Variants in USP7 observed in about 807,000 individuals in gnomAD.
The protein encoded by USP7 is ubiquitin C-terminal hydrolase 7.
Under a neutral mutation model 162.9 loss-of-function variants are expected in USP7, and 9 were observed. The observed-to-expected ratio is 0.06, with a 90% CI of 0.03 to 0.10. The LOEUF is 0.10. USP7 is among the 10% of genes least tolerant of loss of function. The pLI is 1.00. For missense variants in USP7, 715 were observed against 1,373.7 expected (o/e 0.52, Z 7.58); for synonymous variants, 562 against 475.9 (o/e 1.18, Z -2.35).
At chr16:8,962,271 A>C (rs1481245346) in intron 1 of USP7, among the ~76,000 whole-genome samples, 1 of 152,214 alleles carries the variant, frequency 6.6e-6, no homozygotes, top group Admixed American at 6.5e-5. Context: ...CACGTAGGTA[A>C]GAAAACTTTT....
chr16:8,921,535 G>T (rs970714732), intron 3 of USP7, among the ~76,000 whole-genome samples: 1 of 152,182 alleles, frequency 6.6e-6, no homozygotes, highest in African/African-American at 2.4e-5. Context: ...TAATTCCTTA[G>T]AAGTTGAAAC....
chr16:8,916,675 C>T (rs1897386906), intron 7 of USP7, 119 bp from the exon 8 acceptor site: 1 of 1,042,928 alleles, frequency 9.6e-7, no homozygotes, highest in Non-Finnish European at 1.4e-6. Flanking sequence ...AATTCCTTTT[C>T]TGTGAAGATT....
intron 1 of USP7, among the ~76,000 whole-genome samples, chr16:8,945,130 C>A (rs1401957363): frequency 6.6e-6 from 1 of 152,128 alleles, no homozygotes; most frequent in Non-Finnish European, 1.5e-5. Context: ...GTGGCGGGCG[C>A]CTGTAATCTC....
intron 1 of USP7, among the ~76,000 whole-genome samples, chr16:8,950,827 G>T (rs1899513634): frequency 6.6e-6 from 1 of 152,190 alleles, no homozygotes; most frequent in African/African-American, 2.4e-5. Flanking sequence ...GATCTGAGCG[G>T]GCACTATTTG....
At chr16:8,911,824 C>T (rs1297277218) in intron 10 of USP7, among the ~76,000 whole-genome samples, 1 of 152,170 alleles carries the variant, frequency 6.6e-6, no homozygotes, top group African/African-American at 2.4e-5. Context: ...GAGGAAATTA[C>T]CTGGGGCAAG....
chr16:8,906,228 A>C (rs1657066), intron 13 of USP7, among the ~76,000 whole-genome samples, 198 bp downstream of exon 13: 39,872 of 152,276 alleles, frequency 0.26, 5,703 homozygotes, highest in South Asian at 0.34. Flanking sequence ...CACAAAGAGA[A>C]GCACAAATGC....
chr16:8,916,083 A>G lies in USP7; in HGVS notation c.906+419T>C, dbSNP rs1039100737. On this transcript the variant is annotated intron_variant, in intron 8 of 30. Coordinates refer to ENST00000344836, the MANE Select transcript of USP7 (RefSeq NM_003470.3). The stretch of plus-strand genomic sequence containing the variant: ...GATTAGTGATGGCGCGGGGAGAGTA[A>G]TCACCGCATGCTGAGGTCTGCTCAA... Among the ~76,000 whole-genome samples the G allele has an allele frequency of 5.9e-5, 9 of 152,322 alleles. No homozygotes were observed. The South Asian group carries it at 1.9e-3, about 32-fold the overall frequency.
intron 1 of USP7, among the ~76,000 whole-genome samples, chr16:8,936,233 T>A (rs1032456961): frequency 6.6e-6 from 1 of 152,080 alleles, no homozygotes; most frequent in Non-Finnish European, 1.5e-5. Context: ...ACAGCTGTTA[T>A]TACGGCAGAT....
intron 11 of USP7, among the ~76,000 whole-genome samples, chr16:8,908,785 T>C (rs1157467935): frequency 6.6e-6 from 1 of 152,224 alleles, no homozygotes; most frequent in Non-Finnish European, 1.5e-5. Flanking sequence ...CATTAAACAC[T>C]GTGCAAATTA....
chr16:8,931,548 G>C (rs181087280), intron 1 of USP7, among the ~76,000 whole-genome samples: 1 of 152,300 alleles, frequency 6.6e-6, no homozygotes, highest in African/African-American at 2.4e-5. Context: ...AAAGATCCGG[G>C]AAAGTGTTTA....
intron 26 of USP7, 46 bp from the exon 27 acceptor site, chr16:8,895,787 T>C (rs543927391): frequency 3.1e-6 from 4 of 1,272,046 alleles, no homozygotes; most frequent in East Asian, 2.4e-5. Context: ...AGTATATATA[T>C]TCACATAAAA....
At chr16:8,898,507 A>G (rs1315111126) in intron 24 of USP7, 24 bp downstream of exon 24, 1 of 1,605,926 alleles carries the variant, frequency 6.2e-7, no homozygotes, top group South Asian at 1.1e-5. Flanking sequence ...TATGACCCAT[A>G]GTTACATTAA....
At chr16:8,951,677 G>A (rs1339131691) in intron 1 of USP7, among the ~76,000 whole-genome samples, 1 of 152,204 alleles carries the variant, frequency 6.6e-6, no homozygotes, top group Non-Finnish European at 1.5e-5. Context: ...CTGAGACGCT[G>A]TGCACCTGCA....
chr16:8,892,729 G>T lies in USP7; in HGVS notation c.*1269C>A, dbSNP rs961449195. On this transcript the variant is annotated 3_prime_UTR_variant, in exon 31 of 31. Coordinates refer to ENST00000344836, the MANE Select transcript of USP7 (RefSeq NM_003470.3). The stretch of plus-strand genomic sequence containing the variant: ...CCAAGGTTTCCCAGGCCTGTTTCCA[G>T]GGAGAGTAGAAATCTTCCTCCACTT... The T allele has an allele frequency of 6.6e-6, 1 of 152,114 alleles. No individual in the cohort carries two copies. Among genetic ancestry groups the T allele is most frequent in the Non-Finnish European group, 1.5e-5 (1 of 68,024 alleles). The allele number at this position is 152,114 out of a possible 1,614,324, so 9.4% of individuals were successfully genotyped here.
chr16:8,925,087 C>T (rs1377970100), intron 2 of USP7, among the ~76,000 whole-genome samples: 1 of 152,252 alleles, frequency 6.6e-6, no homozygotes, highest in South Asian at 2.1e-4. Context: ...CAATTCACAG[C>T]TGATCAGGAG....
At chr16:8,927,419 G>A (rs1898071781) in intron 2 of USP7, among the ~76,000 whole-genome samples, 1 of 152,126 alleles carries the variant, frequency 6.6e-6, no homozygotes, top group Admixed American at 6.5e-5. Context: ...CTGTTGCAGT[G>A]ATTTTAGCAA....
At position 8,894,529 on chromosome 16, in the gene USP7, C is replaced by CG. The variant is rs3214650; in HGVS notation, c.3202+20dup. 0.46 allele frequency: 686,576 copies of CG among 1,483,814 alleles called. 117,826 individuals carry two copies. Among genetic ancestry groups the CG allele is most frequent in the East Asian group, 0.58 (23,392 of 40,304 alleles). 91.9% of individuals were successfully genotyped at this position (1,483,814 alleles called of 1,614,324 possible). On this transcript the variant is annotated intron_variant, in intron 30 of 30. Coordinates refer to ENST00000344836, the MANE Select transcript of USP7 (RefSeq NM_003470.3). ...TTAGTCTGAAACCCACACCAGCCCC[C>CG]GGGGGGGGGAGAACCCTTACCGGGC...
At chr16:8,910,670 T>G in intron 11 of USP7, 75 bp downstream of exon 11, 1 of 1,394,162 alleles carries the variant, frequency 7.2e-7, no homozygotes, top group Non-Finnish European at 1.0e-6. Flanking sequence ...AAGCAAATTT[T>G]TATTTAGCAA....
rs1373692093 is a variant in USP7 at position 8,906,558 on chromosome 16, T to C, written c.1296A>G (p.Pro432=). 1.2e-6 allele frequency: 2 copies of C among 1,613,630 alleles called. No homozygotes were observed. Among genetic ancestry groups the C allele is most frequent in the Non-Finnish European group, 8.5e-7 (1 of 1,179,946 alleles). ...NDRFEFPEQL[P]LDEFLQKTDP... ...CTGTTTTTTGCAAAAATTCATCAAGTGGTAACTGCTCTGGGAATTCAAACC... is the reference window on the plus strand; with the variant it reads ...CTGTTTTTTGCAAAAATTCATCAAGCGGTAACTGCTCTGGGAATTCAAACC... Residue 432 remains proline, a synonymous_variant, in exon 13 of 31, where the codon CCA becomes CCG. Coordinates refer to ENST00000344836, the MANE Select transcript of USP7 (RefSeq NM_003470.3).
Sources: allele counts gnomAD v4.1 joint callset (sites outside exome capture counted in the v4.1 genomes callset), GRCh38; gene constraint gnomAD v4.1.1; transcripts MANE v1.5; gene names NCBI Gene and HGNC (gene_info 2026-07-23, HGNC 2026-07-21).